The following CFAP299 variants were observed in gnomAD, a reference collection of about 807,000 sequenced individuals.
CFAP299 encodes cilia and flagella associated protein 299, also known as cilia- and flagella-associated protein 299.
Under a neutral mutation model 27.0 loss-of-function variants are expected in CFAP299, and 21 were observed. The observed-to-expected ratio is 0.78, with a 90% CI of 0.55 to 1.12. The LOEUF is 1.12. CFAP299 is among the 50% of genes most tolerant of loss of function. CFAP299 has a pLI of 0.00. For synonymous variants in CFAP299, 104 were observed against 98.1 expected (o/e 1.06, Z -0.36); for missense variants, 310 against 276.6 (o/e 1.12, Z -0.86).
At chr4:80,820,832 T>C (rs1729667218) in intron 3 of CFAP299, among the ~76,000 whole-genome samples, 1 of 152,174 alleles carries the variant, frequency 6.6e-6, no homozygotes, top group Non-Finnish European at 1.5e-5. Flanking sequence ...TAGCGTTATA[T>C]GGCTGATGAT....
the CFAP299 span, among the ~76,000 whole-genome samples, chr4:80,327,375 A>G: frequency 6.6e-6 from 1 of 152,066 alleles, no homozygotes; most frequent in African/African-American, 2.4e-5. Context: ...CCAGAAAAAT[A>G]GCCAGGGTGA....
At chr4:80,419,004 T>C (rs1355934672) in intron 2 of CFAP299, among the ~76,000 whole-genome samples, 1 of 152,158 alleles carries the variant, frequency 6.6e-6, no homozygotes, top group Non-Finnish European at 1.5e-5. Flanking sequence ...CTTTTTGGTG[T>C]ATACCTGTTA....
chr4:80,750,773 A>G (rs1163359081), intron 3 of CFAP299, among the ~76,000 whole-genome samples: 1 of 152,228 alleles, frequency 6.6e-6, no homozygotes, highest in East Asian at 1.9e-4. Flanking sequence ...ATTCTTCAAG[A>G]AAGACAAAAT....
At chr4:80,916,295 A>ATATATATATATATAT (rs1405206483) in intron 4 of CFAP299, among the ~76,000 whole-genome samples, 4 of 125,590 alleles carry the variant, frequency 3.2e-5, no homozygotes, top group African/African-American at 1.3e-4. Context: ...ATATATATAT[A>ATATATATATATATAT]TTTCAGGTAC....
chr4:80,512,792 T>C (rs1049483604), intron 2 of CFAP299, among the ~76,000 whole-genome samples: 1 of 152,146 alleles, frequency 6.6e-6, no homozygotes, highest in African/African-American at 2.4e-5. Flanking sequence ...CTCTGCAAGA[T>C]TAACTTCAAT....
intron 1 of CFAP299, among the ~76,000 whole-genome samples, chr4:80,339,779 GT>G (rs1270279440): frequency 6.6e-6 from 1 of 152,120 alleles, no homozygotes; most frequent in African/African-American, 2.4e-5. Flanking sequence ...AATTTTCCAG[GT>G]TCTTTCTTAG....
intron 3 of CFAP299, among the ~76,000 whole-genome samples, chr4:80,705,571 AG>A (rs1482907118): frequency 6.6e-6 from 1 of 151,838 alleles, no homozygotes; most frequent in Non-Finnish European, 1.5e-5. Context: ...TTTCATTATC[AG>A]TGCCAGACTA....
chr4:80,812,180 T>A (rs188341137), intron 3 of CFAP299, among the ~76,000 whole-genome samples: 139 of 152,218 alleles, frequency 9.1e-4, no homozygotes, highest in African/African-American at 3.2e-3. Flanking sequence ...CTCAGGAGGA[T>A]AGGTTGACCA....
At chr4:80,859,096 G>A (rs1348121048) in intron 3 of CFAP299, among the ~76,000 whole-genome samples, 2 of 152,178 alleles carry the variant, frequency 1.3e-5, no homozygotes, top group African/African-American at 2.4e-5. Context: ...GGGTGCTCCT[G>A]TATTGGGTGC....
At chr4:80,777,781 G>A (rs536474284) in intron 3 of CFAP299, among the ~76,000 whole-genome samples, 2 of 152,112 alleles carry the variant, frequency 1.3e-5, no homozygotes, top group African/African-American at 4.8e-5. Flanking sequence ...CTCTTAGAGA[G>A]GTATACTAAA....
At chr4:80,771,455 T>C (rs1378910787) in intron 3 of CFAP299, among the ~76,000 whole-genome samples, 1 of 152,094 alleles carries the variant, frequency 6.6e-6, no homozygotes, top group Non-Finnish European at 1.5e-5. Context: ...CATAATTCTG[T>C]TGAATAAAAT....
intron 5 of CFAP299, among the ~76,000 whole-genome samples, chr4:80,946,190 A>G (rs1012924520): frequency 6.6e-6 from 1 of 152,190 alleles, no homozygotes; most frequent in Non-Finnish European, 1.5e-5. Flanking sequence ...GAAATGAGAT[A>G]CAGCTACAAA....
At chr4:80,447,126 T>TG (rs1356560741) in intron 2 of CFAP299, among the ~76,000 whole-genome samples, 2 of 118,160 alleles carry the variant, frequency 1.7e-5, no homozygotes, top group Non-Finnish European at 3.4e-5. Flanking sequence ...TTTGTTTTTT[T>TG]TTTGTTTTTT....
intron 2 of CFAP299, chr4:80,388,475 G>A: frequency 8.6e-7 from 1 of 1,158,490 alleles, no homozygotes; most frequent in South Asian, 1.3e-5. Context: ...GTCCAGGTCG[G>A]GGGCATTTCT....
intron 2 of CFAP299, among the ~76,000 whole-genome samples, chr4:80,573,974 TG>T (rs1395574547): frequency 1.3e-5 from 2 of 152,070 alleles, no homozygotes; most frequent in African/African-American, 4.8e-5. Context: ...ATTTTAGGAT[TG>T]TTTTTCTATT....
intron 2 of CFAP299, among the ~76,000 whole-genome samples, chr4:80,473,789 A>C (rs535845453): frequency 6.6e-6 from 1 of 152,206 alleles, no homozygotes; most frequent in East Asian, 1.9e-4. Context: ...ACAGGATCTC[A>C]CTGTGTTTTC....
At position 80,762,069 on chromosome 4, in the gene CFAP299, A is replaced by G. The variant is rs79737219; in HGVS notation, c.334-107924A>G. Reference sequence around the variant, plus strand: ...AAGCATAACTTTAAATCAACAGGTAATGGATTCTTTTATTGCTGAAGCATT... The same window carrying G: ...AAGCATAACTTTAAATCAACAGGTAGTGGATTCTTTTATTGCTGAAGCATT... On this transcript the variant is annotated intron_variant, in intron 3 of 5. Transcript: ENST00000358105. 8.8e-3 allele frequency among the ~76,000 whole-genome samples: 1,344 copies of G among 151,998 alleles called. 58 individuals are homozygous for G. The East Asian group carries it at 0.1, about 12-fold the overall frequency.
chr4:80,660,290 G>T (rs2109980332), intron 3 of CFAP299, among the ~76,000 whole-genome samples: 1 of 152,032 alleles, frequency 6.6e-6, no homozygotes, highest in Admixed American at 6.6e-5. Flanking sequence ...GGCGGGGACT[G>T]TTGTAAAGGA....
intron 3 of CFAP299, among the ~76,000 whole-genome samples, chr4:80,801,812 A>T (rs969756374): frequency 2.0e-5 from 3 of 152,136 alleles, no homozygotes; most frequent in African/African-American, 7.2e-5. Context: ...ACAAGGAAGG[A>T]TTAAGTAAAA....
Sources: gnomAD v4.1 joint callset for allele counts (sites outside exome capture counted in the v4.1 genomes callset) on GRCh38, gnomAD v4.1.1 for gene constraint, MANE v1.5 for transcripts, NCBI Gene and HGNC (gene_info 2026-07-23, HGNC 2026-07-21) for gene names.